IRS1: variants seen among roughly 807,000 people sequenced by gnomAD.
IRS1 encodes insulin receptor substrate 1.
IRS1 carries 34 observed loss-of-function variants against 65.6 expected under a neutral mutation model. The observed-to-expected ratio is 0.52, with a 90% CI of 0.39 to 0.69. The LOEUF is 0.69. IRS1 is among the 30% of genes least tolerant of loss of function. IRS1 has a pLI of 0.00. For synonymous variants in IRS1, 699 were observed against 683.5 expected (o/e 1.02, Z -0.35); for missense variants, 1,641 against 1,720.2 (o/e 0.95, Z 0.81).
At position 226,798,793 on chromosome 2, in the gene IRS1, G is replaced by A; in HGVS notation, c.-55C>T. The A allele has an allele frequency of 1.3e-6, 2 of 1,570,202 alleles. No individual in the cohort carries two copies. On this transcript the variant is annotated 5_prime_UTR_variant, in exon 1 of 2. Transcript: ENST00000305123. The surrounding 1 kb of genome is among the most constrained non-coding windows in gnomAD (Gnocchi z 9.4). ...GAGGGAGGCTCCGAAAAACAACCGGGTGGGGGGCGGAGGCTCCTCGCCGCG... is the reference window on the plus strand; with the variant it reads ...GAGGGAGGCTCCGAAAAACAACCGGATGGGGGGCGGAGGCTCCTCGCCGCG...
At chr2:226,741,917 T>A (rs1330260032) in intron 1 of IRS1, among the ~76,000 whole-genome samples, 1 of 151,852 alleles carries the variant, frequency 6.6e-6, no homozygotes, top group Non-Finnish European at 1.5e-5. Flanking sequence ...CATACCTCCA[T>A]AAAATCCCAC....
At chr2:226,793,908 T>G (rs1475852213) in intron 1 of IRS1, among the ~76,000 whole-genome samples, 1 of 152,120 alleles carries the variant, frequency 6.6e-6, no homozygotes, top group Non-Finnish European at 1.5e-5. Context: ...GTTTTTCATT[T>G]TTAATACGGC....
Position 226,797,010 on chromosome 2 carries a change from C to A in IRS1, c.1729G>T (p.Val577Leu), listed in dbSNP as rs760281604. The change falls in exon 1 of 2, where the codon GTG becomes TTG. Residue 577 changes from valine to leucine, a missense_variant. By Grantham distance (32) the Val-to-Leu change is conservative. Around this residue, in one of 3 missense-constraint regions of IRS1, gnomAD observed 1,324 missense variants for 1,361.0 expected, o/e 0.97. Coordinates refer to ENST00000305123, the MANE Select transcript of IRS1 (RefSeq NM_005544.3). The surrounding 1 kb of genome is among the most constrained non-coding windows in gnomAD (Gnocchi z 8.1). ...TCCTCTGGGTAGGAGCGGGTGGGCA[C>A]GAAGGCGGAGTGCCTGTGTCCCGGC... is the stretch of plus-strand genomic sequence containing the variant. ...RLPGHRHSAF[V>L]PTRSYPEEGL... is the part of the protein sequence containing the mutation. 3 of 1,601,262 alleles carry A rather than the reference C, an allele frequency of 1.9e-6. No individual in the cohort carries two copies. The highest frequency in any genetic ancestry group is 2.2e-5 in the East Asian group (1 of 44,650).
intron 1 of IRS1, among the ~76,000 whole-genome samples, chr2:226,749,116 A>C (rs1938617690): frequency 6.6e-6 from 1 of 152,166 alleles, no homozygotes; most frequent in Non-Finnish European, 1.5e-5. Context: ...TATAATTAAC[A>C]CTTAATTAAC....
chr2:226,796,823 C>T lies in IRS1; in HGVS notation c.1916G>A (p.Ser639Asn), dbSNP rs1455244957. 6.4e-7 allele frequency: 1 copy of T among 1,561,276 alleles called. No homozygotes were observed. The highest frequency in any genetic ancestry group is 2.3e-5 in the East Asian group (1 of 44,434). Residue 639 changes from serine (S) to asparagine (N), a missense_variant, in exon 1 of 2, where the codon AGC becomes AAC. By Grantham distance (46) the Ser-to-Asn change is conservative (BLOSUM62 1). Coordinates refer to ENST00000305123, the MANE Select transcript of IRS1 (RefSeq NM_005544.3). ...GATGATCTGCTGTGGGGCAGATACG[C>T]TCTTGGGGCTCATGGGCATATAGTC... ...SGDYMPMSPK[S>N]VSAPQQIINP...
At chr2:226,790,387 G>A (rs1289446609) in intron 1 of IRS1, among the ~76,000 whole-genome samples, 2 of 151,618 alleles carry the variant, frequency 1.3e-5, no homozygotes, top group Non-Finnish European at 2.9e-5. Context: ...TTCCTGTAGG[G>A]CAATGCTGGA....
Position 226,797,838 on chromosome 2 carries a change from G to C in IRS1, c.901C>G (p.Arg301Gly). The C allele has an allele frequency of 6.2e-7, 1 of 1,601,418 alleles. No individual in the cohort carries two copies. Among genetic ancestry groups the C allele is most frequent in the Non-Finnish European group, 8.5e-7 (1 of 1,175,910 alleles). Residue 301 changes from arginine (R) to glycine (G), a missense_variant, in exon 1 of 2, where the codon CGC becomes GGC. Around this residue, in one of 3 missense-constraint regions of IRS1, gnomAD observed 1,324 missense variants for 1,361.0 expected, o/e 0.97. Transcript: ENST00000305123. The surrounding 1 kb of genome is among the most constrained non-coding windows in gnomAD (Gnocchi z 8.1). ...NPPPSQVGLT[R>G]RSRTESITAT... ...GTGATGCTCTCAGTGCGTGATCGGC[G>C]GGTCAGCCCCACCTGGCTGGGCGGG...
chr2:226,788,670 A>G (rs777302627), intron 1 of IRS1, among the ~76,000 whole-genome samples: 1 of 152,218 alleles, frequency 6.6e-6, no homozygotes, highest in South Asian at 2.1e-4. Flanking sequence ...ATAGAAGCAA[A>G]TAGATGATAC....
At position 226,742,916 on chromosome 2, in the gene IRS1, G is replaced by A. The variant is rs966780138; in HGVS notation, c.*22-6666C>T. 2.0e-5 allele frequency among the ~76,000 whole-genome samples: 3 copies of A among 152,120 alleles called. No homozygotes were observed. In the South Asian group the frequency reaches 6.2e-4, roughly 32 times the overall value. ...AACATTTAGTTCTCAGTAATTAAAA[G>A]TATTCTGTCAGTGATATATTAAGGA... is the stretch of plus-strand genomic sequence containing the variant. On this transcript the variant is annotated intron_variant, in intron 1 of 1. Coordinates refer to ENST00000305123, the MANE Select transcript of IRS1 (RefSeq NM_005544.3).
At chr2:226,766,149 A>AT (rs1559152030) in intron 1 of IRS1, among the ~76,000 whole-genome samples, 42 of 3,928 alleles carry the variant, frequency 0.011, 1 homozygote, top group Non-Finnish European at 0.021. Flanking sequence ...ATATATATAT[A>AT]TATATATATA....
chr2:226,758,429 A>T (rs546773859), intron 1 of IRS1, among the ~76,000 whole-genome samples: 1 of 152,342 alleles, frequency 6.6e-6, no homozygotes, highest in African/African-American at 2.4e-5. Context: ...TTTCTAAAAC[A>T]TTAAGCAGAA....
chr2:226,784,958 G>C (rs1007859341), intron 1 of IRS1, among the ~76,000 whole-genome samples: 1 of 152,182 alleles, frequency 6.6e-6, no homozygotes, highest in African/African-American at 2.4e-5. Context: ...TTCCTGTCCA[G>C]TGTTAATAAC....
chr2:226,795,427 G>A lies in IRS1; in HGVS notation c.3312C>T (p.Phe1104=), dbSNP rs779252822. Residue 1104 remains phenylalanine, a synonymous_variant, in exon 1 of 2, where the codon TTC becomes TTT. Transcript: ENST00000305123. ...CCCGGGTGGCACTGGGTGTTGAGGAGAAAGTCTCGGAGCTATGCCTCCGCC... is the reference window on the plus strand; with the variant it reads ...CCCGGGTGGCACTGGGTGTTGAGGAAAAAGTCTCGGAGCTATGCCTCCGCC... ...GCRRRHSSET[F]SSTPSATRVG... The A allele has an allele frequency of 6.2e-7, 1 of 1,613,548 alleles. No homozygotes were observed. Among genetic ancestry groups the A allele is most frequent in the Admixed American group, 1.7e-5 (1 of 60,034 alleles).
intron 1 of IRS1, among the ~76,000 whole-genome samples, chr2:226,775,668 A>G (rs1203005101): frequency 1.3e-5 from 2 of 152,206 alleles, no homozygotes; most frequent in Non-Finnish European, 1.5e-5. Context: ...TTAGTTTCCA[A>G]TATAATTGTC....
In IRS1 at chr2:226,798,702, C is replaced by A. The variant is rs758617015; in HGVS notation, c.37G>T (p.Val13Leu). Residue 13 changes from valine to leucine, a missense_variant, in exon 1 of 2, where the codon GTG becomes TTG. Val to Leu is a conservative substitution (Grantham distance 32). Around this residue, in one of 3 missense-constraint regions of IRS1, gnomAD observed 240 missense variants for 229.6 expected, o/e 1.05. Transcript: ENST00000305123. The surrounding 1 kb of genome is among the most constrained non-coding windows in gnomAD (Gnocchi z 9.4). ...SPPESDGFSDVRKVGYLRKPK... is the reference protein window; with the variant it reads ...SPPESDGFSDLRKVGYLRKPK... ...TTGCGCAGGTAGCCCACCTTGCGCA[C>A]GTCCGAGAAGCCATCGCTCTCCGGA... 3 of 1,612,834 alleles carry A rather than the reference C, an allele frequency of 1.9e-6. No individual in the cohort carries two copies. The highest frequency in any genetic ancestry group is 2.2e-5 in the South Asian group (2 of 91,088).
intron 1 of IRS1, among the ~76,000 whole-genome samples, chr2:226,751,438 G>T (rs772623862): frequency 6.6e-6 from 1 of 151,668 alleles, no homozygotes; most frequent in Non-Finnish European, 1.5e-5. Context: ...CGCCTGCCAC[G>T]ACGCCCAGCT....
At chr2:226,782,465 G>A (rs114694263) in intron 1 of IRS1, among the ~76,000 whole-genome samples, 2,122 of 152,236 alleles carry the variant, frequency 0.014, 30 homozygotes, top group Middle Eastern at 0.051. Context: ...CTCAGGCAGC[G>A]AAAGCCCTTT....
intron 1 of IRS1, among the ~76,000 whole-genome samples, chr2:226,772,277 A>C (rs977745178): frequency 6.6e-6 from 1 of 152,194 alleles, no homozygotes; most frequent in Non-Finnish European, 1.5e-5. Context: ...TTTTACTTTC[A>C]TATGTTATTT....
rs150879032 is a variant in IRS1 at position 226,795,952 on chromosome 2, T to C, written c.2787A>G (p.Pro929=). ...PSVRCPSQLQ[P]APREEETGTE... is the part of the protein sequence containing the mutation. ...TGCCAGTCTCTTCCTCTCTGGGAGC[T>C]GGCTGGAGCTGGGATGGACACCTGA... The change falls in exon 1 of 2, where the codon CCA becomes CCG. Residue 929 remains proline (P), a synonymous_variant. Coordinates refer to ENST00000305123, the MANE Select transcript of IRS1 (RefSeq NM_005544.3). 6.2e-7 allele frequency: 1 copy of C among 1,614,044 alleles called. No homozygotes were observed. The highest frequency in any genetic ancestry group is 1.3e-5 in the African/African-American group (1 of 75,054).
Sources: gnomAD v4.1 joint callset for allele counts (sites outside exome capture counted in the v4.1 genomes callset) on GRCh38, gnomAD v4.1.1 for gene constraint, gnomAD v4.1.1 regional missense constraint, Gnocchi (gnomAD v3.1) non-coding constraint, MANE v1.5 for transcripts, NCBI Gene and HGNC (gene_info 2026-07-23, HGNC 2026-07-21) for gene names.